The following ANKFN1 variants were observed in gnomAD, a reference collection of about 807,000 sequenced individuals.
The protein encoded by ANKFN1 is ankyrin repeat and fibronectin type III domain containing 1, also known as ankyrin repeat and fibronectin type-III domain-containing protein 1.
ANKFN1 carries 74 observed loss-of-function variants against 108.7 expected under a neutral mutation model. The ratio of observed to expected loss-of-function variants is 0.68; its 90% CI spans 0.56 to 0.83. The LOEUF (loss-of-function observed/expected upper bound fraction) is 0.83. Ranked by LOEUF, ANKFN1 falls within the 40% of genes least tolerant of loss-of-function variation. The pLI is 0.00. For missense variants in ANKFN1, 1,505 were observed against 1,382.3 expected, an observed-to-expected ratio of 1.09 and a Z score of -1.41; for synonymous variants, 547 against 516.2, an observed-to-expected ratio of 1.06 and a Z score of -0.81.
chr17:56,425,732 A>AGCAAGTTATCCCTAACCACTCCCT (rs1379849694), intron 8 of ANKFN1, among the ~76,000 whole-genome samples: 5 of 152,198 alleles, frequency 3.3e-5, no homozygotes, highest in Admixed American at 1.3e-4. Context: ...CAGCCTGTCT[A>AGCAAGTTATCCCTAACCACTCCCT]GCAAGTTATC....
intron 4 of ANKFN1, among the ~76,000 whole-genome samples, chr17:56,130,287 T>C (rs1907200370): frequency 6.6e-6 from 1 of 152,188 alleles, no homozygotes; most frequent in Admixed American, 6.5e-5. Context: ...TTAAGGTAGC[T>C]AGTGGCTGCG....
chr17:56,123,133 A>G (rs985130109), intron 4 of ANKFN1, among the ~76,000 whole-genome samples: 5 of 152,236 alleles, frequency 3.3e-5, no homozygotes, highest in African/African-American at 1.2e-4. Flanking sequence ...TGGACAGGTT[A>G]GGTAACGTGC....
intron 6 of ANKFN1, among the ~76,000 whole-genome samples, chr17:56,363,716 A>G (rs1459599329): frequency 1.3e-5 from 2 of 152,142 alleles, no homozygotes; most frequent in Non-Finnish European, 2.9e-5. Flanking sequence ...GTTATATATT[A>G]TATATATACA....
At position 56,268,698 on chromosome 17, in the gene ANKFN1, GT is replaced by G. The variant is rs879724129; in HGVS notation, c.53+40752del. ...TAAACTGCTAGTTAGACTAATAAAAGTTTTTTTTTTTCCAAATACATCTTGT... is the reference window on the plus strand; with the variant it reads ...TAAACTGCTAGTTAGACTAATAAAAGTTTTTTTTTTCCAAATACATCTTGT... On this transcript the variant is annotated intron_variant, in intron 3 of 20. Transcript: ENST00000682825. Among the ~76,000 whole-genome samples the G allele has an allele frequency of 7.4e-4, 110 of 147,976 alleles. 1 individual carries two copies. Among genetic ancestry groups the G allele is most frequent in the South Asian group, 2.8e-3 (13 of 4,666 alleles).
chr17:56,120,534 C>A (rs935704317), intron 4 of ANKFN1, among the ~76,000 whole-genome samples: 1 of 152,176 alleles, frequency 6.6e-6, no homozygotes, highest in African/African-American at 2.4e-5. Context: ...GAAGCCAACT[C>A]TTATGACTCT....
intron 15 of ANKFN1, among the ~76,000 whole-genome samples, chr17:56,474,554 GT>G (rs1025758172): frequency 6.1e-4 from 93 of 152,130 alleles, no homozygotes; most frequent in African/African-American, 2.2e-3. Flanking sequence ...TCCCCTTCCT[GT>G]TTCAAAGACA....
intron 1 of ANKFN1, among the ~76,000 whole-genome samples, chr17:56,173,107 A>G (rs890293163): frequency 1.3e-5 from 2 of 152,196 alleles, no homozygotes; most frequent in Admixed American, 1.3e-4. Flanking sequence ...GATTTTATCA[A>G]CTAGCTCCAA....
At position 56,227,937 on chromosome 17, in the gene ANKFN1, G is replaced by A; in HGVS notation, c.33G>A (p.Arg11=). The part of the protein sequence containing the change: MNEKRLLFKD[R]HFTCSKIIGR... ...TTCAGAGGCTACTCTTTAAAGACAG[G>A]CATTTTACTTGCAGCAAAATGTAAG... Residue 11 remains arginine (R), a synonymous_variant, in exon 3 of 21, where the codon AGG becomes AGA. Transcript: ENST00000682825. 6.2e-7 allele frequency: 1 copy of A among 1,605,760 alleles called. No homozygotes were observed. Among genetic ancestry groups the A allele is most frequent in the Non-Finnish European group, 8.5e-7 (1 of 1,177,362 alleles).
At chr17:56,364,341 A>G (rs957913175) in intron 6 of ANKFN1, among the ~76,000 whole-genome samples, 6 of 152,178 alleles carry the variant, frequency 3.9e-5, no homozygotes. Context: ...AAAATTAATA[A>G]ATTGTATATT....
chr17:56,158,222 A>G (rs1423739610), intron 1 of ANKFN1, among the ~76,000 whole-genome samples: 2 of 152,120 alleles, frequency 1.3e-5, no homozygotes, highest in East Asian at 1.9e-4. Flanking sequence ...CTCCCCTCAC[A>G]TACACCCCAG....
At chr17:56,438,441 C>T (rs1200282667) in intron 8 of ANKFN1, among the ~76,000 whole-genome samples, 1 of 152,100 alleles carries the variant, frequency 6.6e-6, no homozygotes, top group African/African-American at 2.4e-5. Flanking sequence ...ATAAGAAGGT[C>T]CTTGAATGCC....
At chr17:56,347,457 A>C (rs535459883) in intron 4 of ANKFN1, among the ~76,000 whole-genome samples, 1 of 152,210 alleles carries the variant, frequency 6.6e-6, no homozygotes, top group South Asian at 2.1e-4. Context: ...AGATTCCCAA[A>C]GTCACACAGA....
chr17:56,134,943 C>T (rs1907509659), intron 4 of ANKFN1, among the ~76,000 whole-genome samples: 1 of 152,080 alleles, frequency 6.6e-6, no homozygotes, highest in African/African-American at 2.4e-5. Context: ...GTTGTGATTT[C>T]AGAGTTGAGT....
rs1253816755 is a variant in ANKFN1 at position 56,052,860 on chromosome 17, G to A, written c.288+6535G>A. Among the ~76,000 whole-genome samples the A allele has an allele frequency of 3.9e-5, 6 of 152,264 alleles. No homozygotes were observed. The East Asian group carries it at 1.2e-3, about 29-fold the overall frequency. On this transcript the variant is annotated intron_variant, in intron 4 of 12. Transcript: ENST00000635860. ...GCCAGCCAGCAGATAAGAAGGCATT[G>A]CAGAAGAGAAAAGGGTCTCATGCCA...
intron 3 of ANKFN1, among the ~76,000 whole-genome samples, chr17:56,236,447 G>A (rs545561055): frequency 3.9e-5 from 6 of 152,132 alleles, no homozygotes; most frequent in South Asian, 2.1e-4. Context: ...TATTCTTTTC[G>A]TGGCAATTGT....
chr17:56,432,599 C>T (rs374537398), intron 8 of ANKFN1, among the ~76,000 whole-genome samples: 1 of 152,202 alleles, frequency 6.6e-6, no homozygotes, highest in Non-Finnish European at 1.5e-5. Context: ...CAGATGCCCA[C>T]CCTGCAGGCT....
chr17:56,338,250 A>G (rs1355350544), intron 4 of ANKFN1, among the ~76,000 whole-genome samples: 1 of 152,166 alleles, frequency 6.6e-6, no homozygotes, highest in Non-Finnish European at 1.5e-5. Context: ...GGAATTGAAC[A>G]ATGAGAACAC....
chr17:56,109,684 C>A (rs1905848533), intron 4 of ANKFN1, among the ~76,000 whole-genome samples: 1 of 152,184 alleles, frequency 6.6e-6, no homozygotes, highest in Non-Finnish European at 1.5e-5. Flanking sequence ...CTAAAGCTGG[C>A]CACTTGGCCA....
intron 4 of ANKFN1, among the ~76,000 whole-genome samples, chr17:56,133,087 C>G (rs1490335006): frequency 6.6e-6 from 1 of 152,132 alleles, no homozygotes; most frequent in Non-Finnish European, 1.5e-5. Context: ...TCAGGCTTAC[C>G]TTTCTAGATA....
Sources: gnomAD v4.1 joint callset for allele counts (sites outside exome capture counted in the v4.1 genomes callset) on GRCh38, gnomAD v4.1.1 for gene constraint, MANE v1.5 for transcripts, NCBI Gene and HGNC (gene_info 2026-07-23, HGNC 2026-07-21) for gene names.